ZNF185: variants seen among roughly 807,000 people sequenced by gnomAD.
ZNF185 encodes zinc finger protein 185.
In ZNF185, 56 loss-of-function variants were observed where a neutral mutation model predicts 58.6. The observed-to-expected ratio is 0.95, with a 90% CI of 0.77 to 1.19. ZNF185 has a LOEUF of 1.19. ZNF185 is among the 50% of genes most tolerant of loss of function. ZNF185 has a pLI of 0.00. For synonymous variants in ZNF185, 230 were observed against 215.9 expected, an observed-to-expected ratio of 1.07 and a Z score of -0.57; for missense variants, 627 against 573.5, an observed-to-expected ratio of 1.09 and a Z score of -0.95.
At chrX:152,965,609 G>A in intron 19 of ZNF185, 82 bp downstream of exon 21, 1 of 889,391 alleles carries the variant, frequency 1.1e-6, no homozygotes, top group Non-Finnish European at 1.6e-6. Context: ...CCAGTTCCTT[G>A]TCCAGGACTT....
At chrX:152,939,533 C>T (rs998877026) in intron 15 of ZNF185, among the ~76,000 whole-genome samples, 1 of 112,093 alleles carries the variant, frequency 8.9e-6, no homozygotes, top group Non-Finnish European at 1.9e-5. Context: ...AGCCTAGTCT[C>T]AAGACCCAGA....
chrX:152,920,221 C>A, intron 7 of ZNF185, 107 bp from the exon 9 acceptor site: 2 of 700,045 alleles, frequency 2.9e-6, no homozygotes, highest in Non-Finnish European at 2.1e-6. Context: ...TCACCCCTTG[C>A]CTCCCTGGGG....
chrX:152,972,564 A>G (rs1318670842), exon 23 of ZNF185: 3 of 111,321 alleles, frequency 2.7e-5, no homozygotes, highest in African/African-American at 9.8e-5. Flanking sequence ...TGACTCACAG[A>G]CATTACCAAA....
At chrX:152,905,310 G>A in the ZNF185 span, among the ~76,000 whole-genome samples, 4 of 112,147 alleles carry the variant, frequency 3.6e-5, no homozygotes, top group East Asian at 2.8e-4. Flanking sequence ...AGGAGAATGG[G>A]CTGGGAGAAG....
At chrX:152,938,013 A>G in intron 14 of ZNF185, 61 bp from the exon 17 acceptor site, 1 of 1,084,430 alleles carries the variant, frequency 9.2e-7, no homozygotes, top group South Asian at 2.0e-5. Context: ...TGGAGGGGGA[A>G]GACCTGGGCC....
At chrX:152,965,670 C>A in intron 19 of ZNF185, 143 bp downstream of exon 21, 1 of 483,384 alleles carries the variant, frequency 2.1e-6, no homozygotes, top group Non-Finnish European at 3.4e-6. Flanking sequence ...GATGTAGTTG[C>A]CCTCTGATGG....
upstream of ZNF185, among the ~76,000 whole-genome samples, chrX:152,909,772 C>A (rs1936855560): frequency 8.9e-6 from 1 of 112,689 alleles, no homozygotes; most frequent in Non-Finnish European, 1.9e-5. Flanking sequence ...CAGCTGGGCC[C>A]CAGAGGCTGA....
At chrX:152,907,288 G>C in the ZNF185 span, among the ~76,000 whole-genome samples, 1 of 111,784 alleles carries the variant, frequency 8.9e-6, no homozygotes, top group African/African-American at 3.2e-5. Context: ...CACTCCACTC[G>C]CTGATGACAC....
At chrX:152,944,132 T>C (rs2047540271) in intron 15 of ZNF185, among the ~76,000 whole-genome samples, 1 of 113,169 alleles carries the variant, frequency 8.8e-6, no homozygotes. Flanking sequence ...AATTAGCTTG[T>C]TGTGCCTGCT....
chrX:152,953,138 C>T lies in ZNF185; in HGVS notation c.1410-6561C>T, dbSNP rs1451062943. Among the ~76,000 whole-genome samples the T allele has an allele frequency of 2.7e-5, 3 of 111,072 alleles. No homozygotes were observed. In the Admixed American group the frequency reaches 2.9e-4, roughly 11 times the overall value. ...GGTGTCAAGGGAAACAATGAGGCCTCACAAAAGAGCCAGGAATTTGGAGTA... is the reference window on the plus strand; with the variant it reads ...GGTGTCAAGGGAAACAATGAGGCCTTACAAAAGAGCCAGGAATTTGGAGTA... On this transcript the variant is annotated intron_variant, in intron 16 of 22. Coordinates refer to ENST00000449285, the Ensembl canonical transcript of ZNF185.
chrX:152,956,910 A>T (rs1044033634), intron 16 of ZNF185, among the ~76,000 whole-genome samples: 1 of 112,264 alleles, frequency 8.9e-6, no homozygotes, highest in Admixed American at 9.4e-5. Flanking sequence ...ATAAGGTAAG[A>T]ATTTTATAAA....
At position 152,930,626 on chromosome X, in the gene ZNF185, T is replaced by C. The variant is rs57286406; in HGVS notation, c.918-1046T>C. 1.2e-4 allele frequency among the ~76,000 whole-genome samples: 13 copies of C among 111,278 alleles called. No homozygotes were observed. The East Asian group carries it at 3.7e-3, about 32-fold the overall frequency. Reference sequence around the variant, plus strand: ...AGAGGCAGGAACAAGTGGAGATCCCTGCTTCAAGGGTGGCAGTTGACACCT... The same window carrying C: ...AGAGGCAGGAACAAGTGGAGATCCCCGCTTCAAGGGTGGCAGTTGACACCT... On this transcript the variant is annotated intron_variant, in intron 12 of 22. Coordinates refer to ENST00000449285, the Ensembl canonical transcript of ZNF185.
At chrX:152,900,882 G>A in the ZNF185 span, among the ~76,000 whole-genome samples, 4 of 112,547 alleles carry the variant, frequency 3.6e-5, no homozygotes, top group African/African-American at 1.3e-4. Flanking sequence ...AACCCCTTGA[G>A]GCCTCTGTTT....
chrX:152,933,627 G>A (rs1556879424), intron 14 of ZNF185, among the ~76,000 whole-genome samples: 1 of 112,406 alleles, frequency 8.9e-6, no homozygotes, highest in Non-Finnish European at 1.9e-5. Context: ...TGGGGCAAAG[G>A]CTAGGTATGC....
Position 152,938,072 on chromosome X carries a change from A to G in ZNF185, c.1122-2A>G. 5 of 1,175,033 alleles carry G rather than the reference A, an allele frequency of 4.3e-6. No individual in the cohort carries two copies. Among genetic ancestry groups the G allele is most frequent in the Non-Finnish European group, 5.7e-6 (5 of 876,570 alleles). Reference sequence around the variant, plus strand: ...TCAGCAGGCCTGTGTTTCCTTCCTCAGCTCCAGTGCCACTTCAGTCTCTGC... The same window carrying G: ...TCAGCAGGCCTGTGTTTCCTTCCTCGGCTCCAGTGCCACTTCAGTCTCTGC... On this transcript the variant is annotated splice_acceptor_variant, in intron 14 of 22. Coordinates refer to ENST00000449285, the Ensembl canonical transcript of ZNF185. LOFTEE classifies it high-confidence loss of function.
intron 3 of ZNF185, 41 bp downstream of exon 4, chrX:152,915,244 G>A: frequency 8.5e-7 from 1 of 1,183,032 alleles, no homozygotes; most frequent in Non-Finnish European, 1.1e-6. Flanking sequence ...TCAGCCCCAG[G>A]GACTCTCCTG....
At chrX:152,964,572 G>C (rs1363755980) in intron 18 of ZNF185, among the ~76,000 whole-genome samples, 1 of 111,978 alleles carries the variant, frequency 8.9e-6, no homozygotes, top group East Asian at 2.8e-4. Flanking sequence ...GATGGTGCTA[G>C]CTGTTCATGA....
chrX:152,928,609 C>T (rs781968726), exon 12 of ZNF185: 8 of 1,211,980 alleles, frequency 6.6e-6, no homozygotes, highest in East Asian at 5.9e-5. Flanking sequence ...CCTGCAGATC[C>T]TGACACCCAG....
At chrX:152,938,782 T>C (rs2046697570) in intron 15 of ZNF185, among the ~76,000 whole-genome samples, 1 of 109,771 alleles carries the variant, frequency 9.1e-6, no homozygotes, top group Non-Finnish European at 1.9e-5. Context: ...GCCTGGAGCC[T>C]AGGTCTCTGT....
Sources: gnomAD v4.1 joint callset for allele counts (sites outside exome capture counted in the v4.1 genomes callset) on GRCh38, gnomAD v4.1.1 for gene constraint, MANE v1.5 for transcripts, NCBI Gene and HGNC (gene_info 2026-07-23, HGNC 2026-07-21) for gene names.